TEC: variants seen among roughly 807,000 people sequenced by gnomAD.
TEC encodes tyrosine-protein kinase Tec.
TEC carries 72 observed loss-of-function variants against 93.0 expected under a neutral mutation model. That is an observed-to-expected ratio of 0.77 (90% CI 0.64 to 0.94). TEC has a LOEUF of 0.94. Ranked by LOEUF, TEC falls within the 40% of genes least tolerant of loss-of-function variation. The pLI is 0.00. For missense variants in TEC, 630 were observed against 757.9 expected (o/e 0.83, Z 1.98); for synonymous variants, 249 against 247.7 (o/e 1.01, Z -0.05).
chr4:48,179,356 ATATATATATATATATATATATTTTT>A (rs1721473400), intron 2 of TEC, among the ~76,000 whole-genome samples: 1 of 34,502 alleles, frequency 2.9e-5, no homozygotes, highest in African/African-American at 1.2e-4. Context: ...ATATATATAT[ATATATATATATATATATATATTTTT>A]TTTTTTTTTT....
intron 9 of TEC, 24 bp from the exon 10 acceptor site, chr4:48,150,966 T>C (rs201762999): frequency 3.3e-6 from 5 of 1,515,454 alleles, no homozygotes; most frequent in Non-Finnish European, 4.5e-6. Flanking sequence ...TCAGAAAAAA[T>C]TTTTTTTACT....
At chr4:48,198,580 A>C (rs1480781985) in intron 2 of TEC, among the ~76,000 whole-genome samples, 1 of 152,172 alleles carries the variant, frequency 6.6e-6, no homozygotes, top group Non-Finnish European at 1.5e-5. Flanking sequence ...ATAATATATA[A>C]GCTTTCAACC....
chr4:48,212,110 A>AAAAAAAAAAAATAT, intron 2 of TEC, among the ~76,000 whole-genome samples: 12 of 122,240 alleles, frequency 9.8e-5, no homozygotes, highest in Admixed American at 4.0e-4. Flanking sequence ...AAAAAAAAAA[A>AAAAAAAAAAAATAT]ATATATATAT....
intron 2 of TEC, among the ~76,000 whole-genome samples, chr4:48,223,498 G>T (rs1015378079): frequency 6.6e-6 from 1 of 152,026 alleles, no homozygotes; most frequent in African/African-American, 2.4e-5. Flanking sequence ...ATTTTTCTAA[G>T]CCTTAGTTCT....
intron 11 of TEC, among the ~76,000 whole-genome samples, chr4:48,148,933 TC>T (rs1164071101): frequency 8.0e-6 from 1 of 125,454 alleles, no homozygotes; most frequent in East Asian, 2.1e-4. Flanking sequence ...TATTTGGTTT[TC>T]TGTTCCTGTG....
intron 2 of TEC, among the ~76,000 whole-genome samples, chr4:48,227,862 A>G (rs1478814116): frequency 6.6e-6 from 1 of 152,138 alleles, no homozygotes; most frequent in African/African-American, 2.4e-5. Flanking sequence ...TCAAGGCCTC[A>G]TCTAGCAGTG....
chr4:48,243,724 A>G (rs946929441), intron 1 of TEC, among the ~76,000 whole-genome samples: 1 of 152,162 alleles, frequency 6.6e-6, no homozygotes, highest in African/African-American at 2.4e-5. Flanking sequence ...CTCTGCCTGG[A>G]GATAAGAGGT....
chr4:48,237,991 C>T (rs767589247), intron 1 of TEC, among the ~76,000 whole-genome samples: 1 of 152,156 alleles, frequency 6.6e-6, no homozygotes, highest in African/African-American at 2.4e-5. Context: ...TACCAAAATG[C>T]GTAGCTATTA....
At chr4:48,151,490 C>A (rs1015704689) in intron 9 of TEC, among the ~76,000 whole-genome samples, 1 of 152,058 alleles carries the variant, frequency 6.6e-6, no homozygotes, top group Non-Finnish European at 1.5e-5. Context: ...TCAGTCATAT[C>A]GGTCTTTTTT....
intron 8 of TEC, among the ~76,000 whole-genome samples, chr4:48,159,272 AC>A (rs906638621): frequency 3.3e-5 from 5 of 152,232 alleles, no homozygotes; most frequent in Admixed American, 6.5e-5. Context: ...TGGTGCCAGC[AC>A]CAGCATCTGA....
intron 15 of TEC, 48 bp from the exon 16 acceptor site, chr4:48,139,070 T>C (rs1719554611): frequency 6.8e-7 from 1 of 1,472,620 alleles, no homozygotes; most frequent in Non-Finnish European, 9.4e-7. Context: ...AACAATCTGT[T>C]TTTTCTACTT....
At chr4:48,179,374 ATATTTTTTTT>A (rs1310193574) in intron 2 of TEC, among the ~76,000 whole-genome samples, 9 of 21,582 alleles carry the variant, frequency 4.2e-4, no homozygotes, top group East Asian at 2.3e-3. Flanking sequence ...ATATATATAT[ATATTTTTTTT>A]TTTTTTTTTT....
At chr4:48,234,374 A>G (rs1402449407) in intron 1 of TEC, among the ~76,000 whole-genome samples, 2 of 152,218 alleles carry the variant, frequency 1.3e-5, no homozygotes, top group Non-Finnish European at 1.5e-5. Flanking sequence ...ACATTCCAAC[A>G]TAAGAAAGAG....
At position 48,228,600 on chromosome 4, in the gene TEC, A is replaced by T; in HGVS notation, c.15T>A (p.Thr5=). The T allele has an allele frequency of 6.2e-7, 1 of 1,613,274 alleles. No individual in the cohort carries two copies. The change falls in exon 2 of 18, where the codon ACT becomes ACA. Residue 5 remains threonine (T), a synonymous_variant. Transcript: ENST00000381501. MNFN[T]ILEEILIKRS... The stretch of plus-strand genomic sequence containing the variant: ...TTTTAATAAGAATCTCCTCCAAAAT[A>T]GTGTTAAAATTCATCTCCGTCTTCT...
chr4:48,161,717 G>A (rs925268796), intron 8 of TEC, among the ~76,000 whole-genome samples: 1 of 151,756 alleles, frequency 6.6e-6, no homozygotes, highest in South Asian at 2.1e-4. Flanking sequence ...TGTCCATGAC[G>A]GTGTTGCCAA....
At chr4:48,267,452 G>A (rs1310227670) in intron 1 of TEC, among the ~76,000 whole-genome samples, 3 of 152,136 alleles carry the variant, frequency 2.0e-5, no homozygotes, top group Admixed American at 1.3e-4. Context: ...CCTTCCTTCT[G>A]GGTTGTTTCT....
At chr4:48,228,339 T>C in intron 2 of TEC, 138 bp downstream of exon 2, 9 of 953,984 alleles carry the variant, frequency 9.4e-6, no homozygotes, top group Non-Finnish European at 1.3e-5. Context: ...ACTCTGAAAT[T>C]CATCTTTCAA....
At chr4:48,169,454 T>A (rs2109544751) in intron 5 of TEC, among the ~76,000 whole-genome samples, 1 of 152,050 alleles carries the variant, frequency 6.6e-6, no homozygotes, top group Admixed American at 6.6e-5. Flanking sequence ...TGTGAGGATA[T>A]CCCAAGAGAA....
intron 8 of TEC, among the ~76,000 whole-genome samples, chr4:48,161,598 CT>C (rs34780131): frequency 0.016 from 2,141 of 130,034 alleles, 34 homozygotes; most frequent in African/African-American, 0.041. Context: ...CTGCCAGAGG[CT>C]TTTTTTTTTT....
Sources: allele counts gnomAD v4.1 joint callset (sites outside exome capture counted in the v4.1 genomes callset), GRCh38; gene constraint gnomAD v4.1.1; transcripts MANE v1.5; gene names NCBI Gene and HGNC (gene_info 2026-07-23, HGNC 2026-07-21).